Variants in SUFU observed in about 807,000 individuals in gnomAD.
SUFU encodes SUFU negative regulator of hedgehog signaling.
A neutral mutation model predicts 58.9 loss-of-function variants in SUFU; 7 were observed. The ratio of observed to expected loss-of-function variants is 0.12; its 90% CI spans 0.07 to 0.22. The LOEUF (loss-of-function observed/expected upper bound fraction) is 0.22, where lower values mean the gene tolerates loss of function less well. Among genes scored for constraint, SUFU ranks in the 10% least tolerant of loss-of-function variants. The pLI is 1.00. For missense variants in SUFU, 451 were observed against 641.3 expected, an observed-to-expected ratio of 0.70 and a Z score of 3.20; for synonymous variants, 232 against 254.8, an observed-to-expected ratio of 0.91 and a Z score of 0.85.
chr10:102,541,555 C>T lies in SUFU; in HGVS notation c.318-8415C>T, dbSNP rs376295984. 4.1e-4 allele frequency among the ~76,000 whole-genome samples: 62 copies of T among 151,528 alleles called. No individual in the cohort carries two copies. The East Asian group carries it at 6.5e-3, about 16-fold the overall frequency. On this transcript the variant is annotated intron_variant, in intron 2 of 11. Transcript: ENST00000369902. ...CTGGAACTACAGGCATGTGCCACCA[C>T]GCCTGGCAAATTTTTGTATTTTTAG...
intron 3 of SUFU, among the ~76,000 whole-genome samples, chr10:102,586,187 C>G (rs1241023660): frequency 6.6e-6 from 1 of 151,858 alleles, no homozygotes; most frequent in African/African-American, 2.4e-5. Flanking sequence ...GCCCGGCCAG[C>G]TATTTGTATG....
rs529523166 is a variant in SUFU at position 102,535,646 on chromosome 10, A to G, written c.318-14324A>G. On this transcript the variant is annotated intron_variant, in intron 2 of 11. Transcript: ENST00000369902. ...GGTCCCCTCTTCCCTTTCTTCTGATACCATCACTGGGCTTGAGACTGAGCC... is the reference window on the plus strand; with the variant it reads ...GGTCCCCTCTTCCCTTTCTTCTGATGCCATCACTGGGCTTGAGACTGAGCC... Among the ~76,000 whole-genome samples, 7 of 152,180 alleles carry G rather than the reference A, an allele frequency of 4.6e-5. No individual in the cohort carries two copies. In the South Asian group the frequency reaches 1.0e-3, roughly 23 times the overall value.
Position 102,631,854 on chromosome 10 carries a change from G to A in SUFU, c.*1699G>A, listed in dbSNP as rs550673547. On this transcript the variant is annotated 3_prime_UTR_variant, in exon 12 of 12. Coordinates refer to ENST00000369902, the MANE Select transcript of SUFU (RefSeq NM_016169.4). ...AGGCATATCAGCCTGGAGTATTTGG[G>A]AGAGACTGGCTGCAGATCCCCGCCA... The A allele has an allele frequency of 1.7e-5, 4 of 233,402 alleles. No homozygotes were observed. Among genetic ancestry groups the A allele is most frequent in the South Asian group, 3.6e-4 (2 of 5,536 alleles). The allele number at this position is 233,402 out of a possible 1,614,324, so 14.5% of individuals were successfully genotyped here.
At chr10:102,578,000 C>A (rs1254816411) in intron 3 of SUFU, among the ~76,000 whole-genome samples, 1 of 149,774 alleles carries the variant, frequency 6.7e-6, no homozygotes, top group Non-Finnish European at 1.5e-5. Context: ...AGTTTAAAAC[C>A]TCCTTAGTCC....
intron 3 of SUFU, among the ~76,000 whole-genome samples, chr10:102,560,831 G>A (rs957315227): frequency 6.6e-6 from 1 of 151,928 alleles, no homozygotes; most frequent in Non-Finnish European, 1.5e-5. Flanking sequence ...TATTCTTACC[G>A]AAGTATTTCT....
chr10:102,614,182 T>C (rs866826029), intron 8 of SUFU, among the ~76,000 whole-genome samples: 2 of 152,148 alleles, frequency 1.3e-5, no homozygotes, highest in African/African-American at 4.8e-5. Flanking sequence ...GCTCAGAGGC[T>C]CCAGGGCAGG....
intron 2 of SUFU, among the ~76,000 whole-genome samples, chr10:102,537,787 TGTC>T (rs2062757727): frequency 2.0e-5 from 3 of 152,228 alleles, no homozygotes; most frequent in Non-Finnish European, 2.9e-5. Flanking sequence ...CAATTTGGCT[TGTC>T]CATCCATCTA....
intron 6 of SUFU, among the ~76,000 whole-genome samples, chr10:102,595,190 G>GTGTTA (rs1218956071): frequency 2.6e-5 from 4 of 152,160 alleles, no homozygotes; most frequent in African/African-American, 9.7e-5. Flanking sequence ...GCAGTTGCCG[G>GTGTTA]GAGTTCCATG....
At position 102,599,529 on chromosome 10, in the gene SUFU, C is replaced by G; in HGVS notation, c.1007C>G (p.Ala336Gly). The G allele has an allele frequency of 6.2e-7, 1 of 1,614,156 alleles. No individual in the cohort carries two copies. Among genetic ancestry groups the G allele is most frequent in the Non-Finnish European group, 8.5e-7 (1 of 1,180,000 alleles). Residue 336 changes from alanine to glycine, a missense_variant, in exon 8 of 12, where the codon GCC becomes GGC. Coordinates refer to ENST00000369902, the MANE Select transcript of SUFU (RefSeq NM_016169.4). The part of the protein sequence containing the change: ...PINPQRQNGL[A>G]HDRAPSRKDS... ...AACCCTCAGCGGCAGAATGGCCTCG[C>G]CCACGACCGGGCCCCGTAAGTTCCC...
At chr10:102,559,585 C>G (rs1464181129) in intron 3 of SUFU, among the ~76,000 whole-genome samples, 1 of 152,234 alleles carries the variant, frequency 6.6e-6, no homozygotes, top group African/African-American at 2.4e-5. Flanking sequence ...TAGACACATC[C>G]ATGTCTGTCT....
chr10:102,619,473 TGTGTTATGGGCTCATTA>T lies in SUFU; in HGVS notation c.1296+2050_1296+2066del. 1 of 1,251,958 alleles carries T rather than the reference TGTGTTATGGGCTCATTA, an allele frequency of 8.0e-7. No homozygotes were observed. The allele number at this position is 1,251,958 out of a possible 1,614,324, so 77.6% of individuals were successfully genotyped here. A position where few individuals can be genotyped will look rare whatever the true frequency, so the allele number is the denominator to read the frequency against. Reference sequence around the variant, plus strand: ...GCTGGGAGCTACTCAATCAAAGGCCTGTGTTATGGGCTCATTAGTGTGGTCCACCACGGGGCCGGCTC... The same window carrying T: ...GCTGGGAGCTACTCAATCAAAGGCCTGTGTGGTCCACCACGGGGCCGGCTC... On this transcript the variant is annotated intron_variant, in intron 10 of 11. Coordinates refer to ENST00000369902, the MANE Select transcript of SUFU (RefSeq NM_016169.4). The surrounding 1 kb of genome is among the most constrained non-coding windows in gnomAD (Gnocchi z 4.2).
Position 102,504,042 on chromosome 10 carries a change from GC to G in SUFU, c.-106del. 7.2e-7 allele frequency: 1 copy of G among 1,387,248 alleles called. No individual in the cohort carries two copies. Among genetic ancestry groups the G allele is most frequent in the Non-Finnish European group, 9.5e-7 (1 of 1,053,248 alleles). The allele number at this position is 1,387,248 out of a possible 1,614,324, so 85.9% of individuals were successfully genotyped here. On this transcript the variant is annotated 5_prime_UTR_variant, in exon 1 of 12. Transcript: ENST00000369902. Reference sequence around the variant, plus strand: ...AGGCGCGGAGCTAGACCTCGCTGCAGCCCCCATCGCCTCGGGGAGTCTCACC... The same window carrying G: ...AGGCGCGGAGCTAGACCTCGCTGCAGCCCCATCGCCTCGGGGAGTCTCACC...
intron 2 of SUFU, among the ~76,000 whole-genome samples, chr10:102,510,332 C>G (rs544362072): frequency 6.6e-6 from 1 of 151,962 alleles, no homozygotes; most frequent in South Asian, 2.1e-4. Flanking sequence ...GTCTCAGCCT[C>G]CTGAGTACCT....
chr10:102,538,622 C>T (rs1383752646), intron 2 of SUFU, among the ~76,000 whole-genome samples: 1 of 152,058 alleles, frequency 6.6e-6, no homozygotes, highest in Non-Finnish European at 1.5e-5. Flanking sequence ...GCTTACCACA[C>T]GCATGCATGC....
rs114914635 is a variant in SUFU, at chr10:102,504,723, C to G, written c.182+389C>G. Among the ~76,000 whole-genome samples, 718 of 149,200 alleles carry G rather than the reference C, an allele frequency of 4.8e-3. 7 individuals carry two copies. The highest frequency in any genetic ancestry group is 0.017 in the African/African-American group (682 of 40,302). On this transcript the variant is annotated intron_variant, in intron 1 of 11. Coordinates refer to ENST00000369902, the MANE Select transcript of SUFU (RefSeq NM_016169.4). ...TGGGATGGGAGAGGCGAGGCGGGGC[C>G]TGGGGAGCATTTGAGAGGGCTTTGG...
At position 102,629,983 on chromosome 10, in the gene SUFU, ACAG is replaced by A; in HGVS notation, c.1366-82_1366-80del. The A allele has an allele frequency of 7.8e-7, 1 of 1,287,338 alleles. No individual in the cohort carries two copies. The highest frequency in any genetic ancestry group is 1.1e-6 in the Non-Finnish European group (1 of 882,266). 79.7% of individuals were successfully genotyped at this position (1,287,338 alleles called of 1,614,324 possible). On this transcript the variant is annotated intron_variant, in intron 11 of 11. Transcript: ENST00000369902. This position sits in a 1 kb window ranked among gnomAD's most constrained non-coding sequence, Gnocchi z 4.7. ...CTGTCCTATCCCTAGCTCCCCGGGGACAGGCCTGGGCAATCTCTGGAAAGACCA... is the reference window on the plus strand; with the variant it reads ...CTGTCCTATCCCTAGCTCCCCGGGGAGCCTGGGCAATCTCTGGAAAGACCA...
At position 102,518,665 on chromosome 10, in the gene SUFU, A is replaced by G. The variant is rs1005022134; in HGVS notation, c.317+9362A>G. Among the ~76,000 whole-genome samples, 18 of 150,978 alleles carry G rather than the reference A, an allele frequency of 1.2e-4. No individual in the cohort carries two copies. In the East Asian group the frequency reaches 2.0e-3, roughly 17 times the overall value. On this transcript the variant is annotated intron_variant, in intron 2 of 11. Transcript: ENST00000369902. ...AGGCTTAAGTCATCCTCCTACCTCA[A>G]CCTCCTGAGTAGCTGGTACTGCAGG...
chr10:102,596,693 C>T (rs145315695), intron 6 of SUFU, among the ~76,000 whole-genome samples: 1 of 152,286 alleles, frequency 6.6e-6, no homozygotes, highest in Non-Finnish European at 1.5e-5. Context: ...CAGGCTTCCA[C>T]CCTGTTTTCT....
intron 7 of SUFU, among the ~76,000 whole-genome samples, chr10:102,598,300 G>A (rs1213441723): frequency 6.6e-6 from 1 of 152,074 alleles, no homozygotes; most frequent in Non-Finnish European, 1.5e-5. Flanking sequence ...CTACAGGCGT[G>A]AGCCACCAAC....
Sources: allele counts gnomAD v4.1 joint callset (sites outside exome capture counted in the v4.1 genomes callset), GRCh38; gene constraint gnomAD v4.1.1; non-coding constraint Gnocchi (gnomAD v3.1); transcripts MANE v1.5; gene names NCBI Gene and HGNC (gene_info 2026-07-23, HGNC 2026-07-21).